Variants in BRINP3 observed in about 807,000 individuals in gnomAD.
BRINP3 encodes the protein BMP/retinoic acid-inducible neural-specific protein 3.
BRINP3 carries 19 observed loss-of-function variants against 71.0 expected under a neutral mutation model. The observed-to-expected ratio is 0.27, with a 90% CI of 0.19 to 0.39. The LOEUF is 0.39. BRINP3 is among the 10% of genes least tolerant of loss of function. BRINP3 has a pLI of 1.00. For synonymous variants in BRINP3, 380 were observed against 337.7 expected (o/e 1.13, Z -1.37); for missense variants, 959 against 940.8 (o/e 1.02, Z -0.25).
intron 6 of BRINP3, among the ~76,000 whole-genome samples, chr1:190,172,673 A>G (rs1207579478): frequency 6.6e-6 from 1 of 152,130 alleles, no homozygotes; most frequent in Non-Finnish European, 1.5e-5. Context: ...GGGAAATTCC[A>G]GTTTAGACTT....
intron 4 of BRINP3, among the ~76,000 whole-genome samples, chr1:190,254,766 C>A (rs983576409): frequency 6.6e-6 from 1 of 152,164 alleles, no homozygotes; most frequent in Admixed American, 6.5e-5. Context: ...CCATTTATTT[C>A]TTTCTCTTGC....
intron 2 of BRINP3, among the ~76,000 whole-genome samples, chr1:190,344,296 C>T (rs1000481056): frequency 3.3e-5 from 5 of 151,702 alleles, no homozygotes; most frequent in South Asian, 2.1e-4. Flanking sequence ...CTTTCAATTT[C>T]GAGCTCAGTA....
At chr1:190,310,103 G>GTTTTT (rs5779519) in intron 2 of BRINP3, among the ~76,000 whole-genome samples, 1 of 138,672 alleles carries the variant, frequency 7.2e-6, no homozygotes. Flanking sequence ...TGTGGTTGTT[G>GTTTTT]TTTTTTTTTT....
chr1:190,383,369 A>C (rs1322652846), intron 2 of BRINP3, among the ~76,000 whole-genome samples: 2 of 152,116 alleles, frequency 1.3e-5, no homozygotes, highest in Non-Finnish European at 2.9e-5. Context: ...TCACAATGAC[A>C]TTGTAACAAT....
intron 1 of BRINP3, among the ~76,000 whole-genome samples, chr1:190,457,782 A>T (rs1216565501): frequency 1.3e-5 from 2 of 152,178 alleles, no homozygotes; most frequent in Non-Finnish European, 2.9e-5. Context: ...AGTAGGATAC[A>T]GTTGACCTAG....
chr1:190,220,672 G>C (rs1005939694), intron 6 of BRINP3, among the ~76,000 whole-genome samples: 9 of 151,930 alleles, frequency 5.9e-5, no homozygotes, highest in African/African-American at 2.2e-4. Flanking sequence ...TATTGTATTA[G>C]GCAAAATCAT....
intron 7 of BRINP3, among the ~76,000 whole-genome samples, chr1:190,141,908 T>G (rs994686388): frequency 6.6e-6 from 1 of 152,036 alleles, no homozygotes; most frequent in Non-Finnish European, 1.5e-5. Context: ...AAAGACTGAT[T>G]TGTACATCCC....
intron 1 of BRINP3, among the ~76,000 whole-genome samples, chr1:190,460,953 C>G (rs764739311): frequency 6.6e-6 from 1 of 152,166 alleles, no homozygotes; most frequent in Admixed American, 6.5e-5. Context: ...ACAATACCAA[C>G]TTTGCCTCTA....
chr1:190,279,302 A>G (rs1204361739), intron 3 of BRINP3, among the ~76,000 whole-genome samples: 6 of 151,856 alleles, frequency 4.0e-5, no homozygotes, highest in African/African-American at 1.4e-4. Flanking sequence ...CTACACTAAC[A>G]TAATGAAAAC....
intron 4 of BRINP3, among the ~76,000 whole-genome samples, chr1:190,254,400 C>T (rs1660453378): frequency 6.6e-6 from 1 of 151,974 alleles, no homozygotes; most frequent in Non-Finnish European, 1.5e-5. Flanking sequence ...TCTTCCTATC[C>T]ATGAGCATGG....
intron 2 of BRINP3, among the ~76,000 whole-genome samples, chr1:190,447,361 A>ATATATTTG (rs1675292609): frequency 2.0e-5 from 3 of 147,374 alleles, no homozygotes; most frequent in Non-Finnish European, 3.0e-5. Context: ...ATATATATAT[A>ATATATTTG]TATATTTGTG....
chr1:190,395,765 C>T (rs1333232329), intron 2 of BRINP3, among the ~76,000 whole-genome samples: 1 of 151,870 alleles, frequency 6.6e-6, no homozygotes, highest in African/African-American at 2.4e-5. Context: ...CGATTCTTAA[C>T]TAAGTTTTAT....
intron 2 of BRINP3, among the ~76,000 whole-genome samples, chr1:190,393,904 A>C (rs1040241455): frequency 6.6e-6 from 1 of 151,626 alleles, no homozygotes; most frequent in Non-Finnish European, 1.5e-5. Context: ...TAAGCCAAGA[A>C]AGTAAGAAAT....
At chr1:190,141,978 A>G (rs1485946975) in intron 7 of BRINP3, among the ~76,000 whole-genome samples, 1 of 152,184 alleles carries the variant, frequency 6.6e-6, no homozygotes, top group Admixed American at 6.5e-5. Context: ...ATAAAAGTTT[A>G]AAAAGTAAAA....
chr1:190,440,251 T>A (rs1674727406), intron 2 of BRINP3, among the ~76,000 whole-genome samples: 1 of 151,916 alleles, frequency 6.6e-6, no homozygotes, highest in Non-Finnish European at 1.5e-5. Context: ...TTTCTCTTTT[T>A]ACAAGCAAAT....
intron 6 of BRINP3, among the ~76,000 whole-genome samples, chr1:190,215,610 TC>T (rs1337730554): frequency 6.6e-6 from 1 of 151,952 alleles, no homozygotes; most frequent in Non-Finnish European, 1.5e-5. Flanking sequence ...GCTAACCCAA[TC>T]TTTGCAATAC....
At chr1:190,158,123 G>T (rs182413128) in intron 7 of BRINP3, among the ~76,000 whole-genome samples, 2 of 152,028 alleles carry the variant, frequency 1.3e-5, no homozygotes, top group Admixed American at 1.3e-4. Flanking sequence ...AAGGGACCCC[G>T]TGGGAGGTAA....
At chr1:190,320,220 T>C (rs879677710) in intron 2 of BRINP3, among the ~76,000 whole-genome samples, 1 of 152,090 alleles carries the variant, frequency 6.6e-6, no homozygotes, top group Non-Finnish European at 1.5e-5. Flanking sequence ...ACACTCCTAA[T>C]ATTAAACACT....
At chr1:190,409,926 C>A (rs891025406) in intron 2 of BRINP3, among the ~76,000 whole-genome samples, 44 of 152,056 alleles carry the variant, frequency 2.9e-4, no homozygotes, top group African/African-American at 1.1e-3. Flanking sequence ...GCATGATGAG[C>A]AAGGTAAGGG....
Sources: allele counts gnomAD v4.1 joint callset (sites outside exome capture counted in the v4.1 genomes callset), GRCh38; gene constraint gnomAD v4.1.1; transcripts MANE v1.5; gene names NCBI Gene and HGNC (gene_info 2026-07-23, HGNC 2026-07-21).